ARK2N: variants seen among roughly 807,000 people sequenced by gnomAD.
ARK2N encodes arkadia (RNF111) N-terminal like PKA signaling regulator 2N.
the ARK2N span, among the ~76,000 whole-genome samples, chr18:46,199,206 A>G: frequency 3.7e-4 from 57 of 152,324 alleles, no homozygotes; most frequent in South Asian, 2.1e-4. Context: ...CTTTCACAGT[A>G]TTCATGCCAT....
chr18:46,247,498 G>A, the ARK2N span, among the ~76,000 whole-genome samples: 1 of 152,182 alleles, frequency 6.6e-6, no homozygotes, highest in Admixed American at 6.5e-5. Context: ...AAAGCATTGA[G>A]TGATCAAGGA....
chr18:46,178,590 G>A, the ARK2N span, among the ~76,000 whole-genome samples: 25 of 152,312 alleles, frequency 1.6e-4, no homozygotes, highest in Admixed American at 1.4e-3. Flanking sequence ...GATTATAGGC[G>A]GGAGCCACCA....
At chr18:46,235,512 C>T in the ARK2N span, among the ~76,000 whole-genome samples, 2 of 152,198 alleles carry the variant, frequency 1.3e-5, no homozygotes, top group African/African-American at 2.4e-5. Context: ...TCTTTGTTAA[C>T]GTCTTCTTTA....
At chr18:46,224,437 T>C in the ARK2N span, among the ~76,000 whole-genome samples, 2,078 of 152,294 alleles carry the variant, frequency 0.014, 18 homozygotes, top group Non-Finnish European at 0.021. Flanking sequence ...TGTGTAATGA[T>C]TGAGTATGGG....
chr18:46,176,938 A>G, the ARK2N span, among the ~76,000 whole-genome samples: 2,650 of 152,122 alleles, frequency 0.017, 72 homozygotes, highest in African/African-American at 0.06. Flanking sequence ...TTTTGTAGAG[A>G]TGGAGTCTCC....
chr18:46,263,643 T>C, the ARK2N span: 3 of 152,898 alleles, frequency 2.0e-5, no homozygotes, highest in African/African-American at 7.2e-5. Flanking sequence ...GACAGAAGTA[T>C]TAAAATTATA....
the ARK2N span, among the ~76,000 whole-genome samples, chr18:46,202,904 A>G: frequency 6.6e-6 from 1 of 152,098 alleles, no homozygotes; most frequent in Admixed American, 6.5e-5. Context: ...TGTATCTTCT[A>G]GATATGATGG....
At chr18:46,195,927 A>G in the ARK2N span, among the ~76,000 whole-genome samples, 11 of 151,898 alleles carry the variant, frequency 7.2e-5, no homozygotes, top group East Asian at 7.7e-4. Flanking sequence ...ATCTGCAACA[A>G]TTAACAATAA....
the ARK2N span, among the ~76,000 whole-genome samples, chr18:46,206,309 C>A: frequency 6.6e-6 from 1 of 151,750 alleles, no homozygotes; most frequent in Non-Finnish European, 1.5e-5. Context: ...TGGTCTGGAA[C>A]TCCTGGCCTT....
At chr18:46,240,471 A>G in the ARK2N span, among the ~76,000 whole-genome samples, 43 of 152,322 alleles carry the variant, frequency 2.8e-4, no homozygotes, top group African/African-American at 1.0e-3. Context: ...AAAATGCCCA[A>G]TATTTGCAAA....
the ARK2N span, among the ~76,000 whole-genome samples, chr18:46,185,058 T>C: frequency 5.0e-4 from 76 of 152,344 alleles, no homozygotes; most frequent in Middle Eastern, 3.4e-3. Flanking sequence ...ATCATGTTGA[T>C]TCTATGTAAT....
At chr18:46,190,446 C>T in the ARK2N span, among the ~76,000 whole-genome samples, 3 of 40,912 alleles carry the variant, frequency 7.3e-5, no homozygotes, top group East Asian at 1.5e-3. Flanking sequence ...TGAGATCACG[C>T]CACTGCACTC....
chr18:46,189,741 G>A, the ARK2N span, among the ~76,000 whole-genome samples: 1 of 152,182 alleles, frequency 6.6e-6, no homozygotes, highest in Non-Finnish European at 1.5e-5. Flanking sequence ...GCATGTGCCT[G>A]TAGTCCCAGC....
At chr18:46,219,523 G>A in the ARK2N span, among the ~76,000 whole-genome samples, 7 of 150,062 alleles carry the variant, frequency 4.7e-5, no homozygotes, top group Non-Finnish European at 5.9e-5. Context: ...AGGCTGGAGT[G>A]CAGTGGCGCG....
At chr18:46,189,498 C>G in the ARK2N span, among the ~76,000 whole-genome samples, 1 of 151,892 alleles carries the variant, frequency 6.6e-6, no homozygotes. Context: ...ATTATGTTAC[C>G]CAGGCTGGCC....
the ARK2N span, among the ~76,000 whole-genome samples, chr18:46,213,606 T>C: frequency 5.3e-5 from 8 of 152,232 alleles, no homozygotes; most frequent in Non-Finnish European, 1.2e-4. Flanking sequence ...TTATGCTGAT[T>C]TTCACTTAGC....
At chr18:46,195,681 GTCC>G in the ARK2N span, among the ~76,000 whole-genome samples, 5 of 143,832 alleles carry the variant, frequency 3.5e-5, no homozygotes, top group African/African-American at 7.9e-5. Context: ...AGTTCAAGCA[GTCC>G]TCCTCCTTAG....
At chr18:46,251,055 A>G in the ARK2N span, among the ~76,000 whole-genome samples, 6 of 152,214 alleles carry the variant, frequency 3.9e-5, no homozygotes, top group African/African-American at 1.4e-4. Flanking sequence ...TGTTCCCCAT[A>G]GTATTTCTAG....
At chr18:46,202,812 A>G in the ARK2N span, among the ~76,000 whole-genome samples, 1 of 151,684 alleles carries the variant, frequency 6.6e-6, no homozygotes, top group Non-Finnish European at 1.5e-5. Context: ...TAAAAAAAAA[A>G]AAAAGAAAGA....
Sources: allele counts gnomAD v4.1 joint callset (sites outside exome capture counted in the v4.1 genomes callset), GRCh38; gene constraint gnomAD v4.1.1; transcripts MANE v1.5; gene names NCBI Gene and HGNC (gene_info 2026-07-23, HGNC 2026-07-21).